ZNF506: variants seen among roughly 807,000 people sequenced by gnomAD.
ZNF506 encodes the protein zinc finger protein 506.
A neutral mutation model predicts 11.6 loss-of-function variants in ZNF506; 10 were observed. The observed-to-expected ratio is 0.86, with a 90% CI of 0.53 to 1.46. The LOEUF (loss-of-function observed/expected upper bound fraction) is 1.46, where lower values mean the gene tolerates loss of function less well. Among genes scored for constraint, ZNF506 ranks in the 40% most tolerant of loss-of-function variants. The pLI is 0.00. For synonymous variants in ZNF506, 156 were observed against 173.3 expected (o/e 0.90, Z 0.78); for missense variants, 425 against 521.2 (o/e 0.82, Z 1.80).
chr19:19,807,173 A>C, intron 1 of ZNF506, 105 bp from the exon 2 acceptor site: 9 of 1,547,616 alleles, frequency 5.8e-6, no homozygotes. Context: ...TCTGACTTAT[A>C]GGACTAAAAT....
chr19:19,794,234 C>G lies in ZNF506; in HGVS notation c.*318G>C. The G allele has an allele frequency of 5.1e-6, 1 of 195,060 alleles. No individual in the cohort carries two copies. Among genetic ancestry groups the G allele is most frequent in the South Asian group, 9.6e-5 (1 of 10,450 alleles). 12.1% of individuals were successfully genotyped at this position (195,060 alleles called of 1,614,324 possible). A position where few individuals can be genotyped will look rare whatever the true frequency, so the allele number is the denominator to read the frequency against. ...CTGAGGCAGGAGAATGGCTTGATAC[C>G]AGGAGGCAGAAGTTGCAGTGAGCTG... On this transcript the variant is annotated 3_prime_UTR_variant, in exon 4 of 4. Transcript: ENST00000540806.
intron 1 of ZNF506, among the ~76,000 whole-genome samples, chr19:19,818,061 C>T (rs181659312): frequency 6.6e-6 from 1 of 152,024 alleles, no homozygotes; most frequent in East Asian, 1.9e-4. Flanking sequence ...CTCCTGACCT[C>T]AAGTGATCAA....
At position 19,795,538 on chromosome 19, in the gene ZNF506, A is replaced by G; in HGVS notation, c.349T>C (p.Cys117Arg). The G allele has an allele frequency of 6.3e-7, 1 of 1,597,876 alleles. No homozygotes were observed. The highest frequency in any genetic ancestry group is 8.5e-7 in the Non-Finnish European group (1 of 1,175,168). Reference sequence around the variant, plus strand: ...ACTGGACACTCATCTACACTTTCACAGCCTTTTTTTAACTGTAAATTGTCA... The same window carrying G: ...ACTGGACACTCATCTACACTTTCACGGCCTTTTTTTAACTGTAAATTGTCA... The part of the protein sequence containing the change: ...RHDNLQLKKG[C>R]ESVDECPVHK... The change falls in exon 4 of 4, where the codon TGT becomes CGT. Residue 117 changes from cysteine (C) to arginine (R), a missense_variant. Physicochemically the swap from Cys to Arg is radical, Grantham distance 180. Transcript: ENST00000540806.
chr19:19,812,642 TGTTA>T lies in ZNF506; in HGVS notation c.4-5578_4-5575del, dbSNP rs1023660900. Among the ~76,000 whole-genome samples, 57 of 152,352 alleles carry T rather than the reference TGTTA, an allele frequency of 3.7e-4. 1 individual carries two copies. Among genetic ancestry groups the T allele is most frequent in the African/African-American group, 1.2e-3 (48 of 41,594 alleles). On this transcript the variant is annotated intron_variant, in intron 1 of 3. Transcript: ENST00000540806. ...CACTCCCAATGCAGAAAATGCCTTT[TGTTA>T]GTTTTCTGTACATTCTCTATCCAAA...
At chr19:19,807,328 C>A (rs532915651) in intron 1 of ZNF506, among the ~76,000 whole-genome samples, 1 of 152,224 alleles carries the variant, frequency 6.6e-6, no homozygotes, top group African/African-American at 2.4e-5. Context: ...GCCATGAACA[C>A]GAACATGTAC....
At chr19:19,813,437 T>C (rs886592589) in intron 1 of ZNF506, among the ~76,000 whole-genome samples, 1 of 152,340 alleles carries the variant, frequency 6.6e-6, no homozygotes, top group African/African-American at 2.4e-5. Context: ...AAAGGAATGC[T>C]TATACTCTGC....
At chr19:19,807,104 G>T (rs1374830965) in intron 1 of ZNF506, 36 bp from the exon 2 acceptor site, 2 of 1,609,928 alleles carry the variant, frequency 1.2e-6, no homozygotes, top group African/African-American at 2.7e-5. Context: ...TTACCAAGTG[G>T]CCATGGGTGG....
intron 1 of ZNF506, among the ~76,000 whole-genome samples, chr19:19,808,139 T>TTTTTTTTTTA (rs2062851006): frequency 9.5e-6 from 1 of 104,972 alleles, no homozygotes; most frequent in African/African-American, 3.8e-5. Context: ...TTTTTTTTTT[T>TTTTTTTTTTA]TTGAGACGGA....
At chr19:19,801,154 C>T (rs2062789066) in intron 3 of ZNF506, among the ~76,000 whole-genome samples, 2 of 151,380 alleles carry the variant, frequency 1.3e-5, no homozygotes, top group Admixed American at 6.6e-5. Context: ...GAGCAAAACT[C>T]CCTTTTAAAA....
In ZNF506 at chr19:19,798,007, T is replaced by C. The variant is rs948453759; in HGVS notation, c.227-2347A>G. 11 of 152,252 alleles carry C rather than the reference T, an allele frequency of 7.2e-5. No individual in the cohort carries two copies. In the East Asian group the frequency reaches 9.6e-4, roughly 13 times the overall value. 9.4% of individuals were successfully genotyped at this position (152,252 alleles called of 1,614,324 possible). A position where few individuals can be genotyped will look rare whatever the true frequency, so the allele number is the denominator to read the frequency against. On this transcript the variant is annotated intron_variant, in intron 3 of 3. Coordinates refer to ENST00000540806, the MANE Select transcript of ZNF506 (RefSeq NM_001099269.3). ...TCAAGGATGCTGAAAGGAGTTTTTT[T>C]CCACAGAAAATAACATAATGCAAGA...
At chr19:19,801,444 A>C (rs1377909133) in intron 3 of ZNF506, among the ~76,000 whole-genome samples, 1 of 151,292 alleles carries the variant, frequency 6.6e-6, no homozygotes, top group Non-Finnish European at 1.5e-5. Flanking sequence ...GCAGTGAGCC[A>C]AAATCATGCC....
At chr19:19,803,915 T>C (rs1478861974) in intron 3 of ZNF506, among the ~76,000 whole-genome samples, 1 of 152,222 alleles carries the variant, frequency 6.6e-6, no homozygotes, top group African/African-American at 2.4e-5. Context: ...TTGTAGATCA[T>C]ACAATCTTAT....
rs34297481 is a variant in ZNF506 at position 19,816,810 on chromosome 19, C to CTT, written c.3+4789_3+4790dup. ...AGCCTGGCCTAAAATAAAATATTTC[C>CTT]TTTTTTTTTTTTTTTTTTTTTTTTT... On this transcript the variant is annotated intron_variant, in intron 1 of 3. Coordinates refer to ENST00000540806, the MANE Select transcript of ZNF506 (RefSeq NM_001099269.3). 3.8e-3 allele frequency among the ~76,000 whole-genome samples: 306 copies of CTT among 80,256 alleles called. 10 individuals carry two copies. Among genetic ancestry groups the CTT allele is most frequent in the African/African-American group, 4.6e-3 (78 of 17,042 alleles). The allele number at this position is 80,256 out of a possible 152,430, so 52.7% of individuals were successfully genotyped here. A position where few individuals can be genotyped will look rare whatever the true frequency, so the allele number is the denominator to read the frequency against.
intron 3 of ZNF506, among the ~76,000 whole-genome samples, chr19:19,805,734 C>T (rs1242122644): frequency 6.6e-6 from 1 of 152,052 alleles, no homozygotes; most frequent in Non-Finnish European, 1.5e-5. Flanking sequence ...GAAAAACAGC[C>T]AGATTGTGCA....
At chr19:19,814,884 G>C (rs527497227) in intron 1 of ZNF506, among the ~76,000 whole-genome samples, 1 of 152,190 alleles carries the variant, frequency 6.6e-6, no homozygotes, top group Admixed American at 6.5e-5. Flanking sequence ...TGCTGCTGCA[G>C]ATTCAGTGTC....
chr19:19,805,960 G>A, intron 3 of ZNF506, 71 bp downstream of exon 3: 3 of 1,279,830 alleles, frequency 2.3e-6, no homozygotes, highest in Non-Finnish European at 2.2e-6. Context: ...ACATTTTAAG[G>A]ACTCGCTTTC....
intron 1 of ZNF506, among the ~76,000 whole-genome samples, chr19:19,817,574 T>A (rs115379774): frequency 0.028 from 4,332 of 152,234 alleles, 122 homozygotes; most frequent in African/African-American, 0.068. Flanking sequence ...GCTCTGTGGC[T>A]TCTCTCAGAA....
chr19:19,809,257 G>A (rs892295796), intron 1 of ZNF506, among the ~76,000 whole-genome samples: 1 of 152,168 alleles, frequency 6.6e-6, no homozygotes, highest in Non-Finnish European at 1.5e-5. Flanking sequence ...AGAGAATAAA[G>A]AGAAGGCTCT....
At chr19:19,810,876 G>C (rs1451936979) in intron 1 of ZNF506, among the ~76,000 whole-genome samples, 1 of 149,832 alleles carries the variant, frequency 6.7e-6, no homozygotes, top group Non-Finnish European at 1.5e-5. Context: ...CCAAAACTCT[G>C]ATCTCTTCTA....
Sources: allele counts gnomAD v4.1 joint callset (sites outside exome capture counted in the v4.1 genomes callset), GRCh38; gene constraint gnomAD v4.1.1; transcripts MANE v1.5; gene names NCBI Gene and HGNC (gene_info 2026-07-23, HGNC 2026-07-21).